The following SELENOI variants were observed in gnomAD, a reference collection of about 807,000 sequenced individuals.
SELENOI encodes the protein selenoprotein I, also known as ethanolaminephosphotransferase 1.
A neutral mutation model predicts 50.7 loss-of-function variants in SELENOI; 24 were observed. The observed-to-expected ratio is 0.47, with a 90% CI of 0.34 to 0.67. The LOEUF is 0.67. Among genes scored for constraint, SELENOI ranks in the 30% least tolerant of loss-of-function variants. The pLI is 0.01. For missense variants in SELENOI, 352 were observed against 461.4 expected, an observed-to-expected ratio of 0.76 and a Z score of 2.17; for synonymous variants, 155 against 170.2, an observed-to-expected ratio of 0.91 and a Z score of 0.70.
At chr2:26,386,238 G>T in intron 8 of SELENOI, 116 bp from the exon 9 acceptor site, 1 of 1,022,142 alleles carries the variant, frequency 9.8e-7, no homozygotes, top group East Asian at 2.4e-5. Flanking sequence ...GATAATGTAA[G>T]TGTGTTGGTT....
chr2:26,370,971 C>T lies in SELENOI; in HGVS notation c.311-2396C>T, dbSNP rs1360033000. On this transcript the variant is annotated intron_variant, in intron 4 of 9. Coordinates refer to ENST00000260585, the MANE Select transcript of SELENOI (RefSeq NM_033505.4). ...CTCCCGGATGGGGCGGCTGGCCGGG[C>T]GGGGGGCTGACCCCCCCACCTCCCT... is the stretch of plus-strand genomic sequence containing the variant. Among the ~76,000 whole-genome samples the T allele has an allele frequency of 4.7e-3, 637 of 136,416 alleles. 8 individuals are homozygous for T. Among genetic ancestry groups the T allele is most frequent in the African/African-American group, 0.016 (591 of 36,690 alleles). 89.5% of individuals were successfully genotyped at this position (136,416 alleles called of 152,430 possible). A position where few individuals can be genotyped will look rare whatever the true frequency, so the allele number is the denominator to read the frequency against.
At chr2:26,387,157 G>A (rs907288623) in intron 9 of SELENOI, among the ~76,000 whole-genome samples, 24 of 152,132 alleles carry the variant, frequency 1.6e-4, no homozygotes, top group Non-Finnish European at 2.1e-4. Flanking sequence ...TTTGAGAAAT[G>A]TTTTGTAAAC....
rs79102333 is a variant in SELENOI, at chr2:26,380,787, G to A, written c.683-2512G>A. Among the ~76,000 whole-genome samples, 1,470 of 152,258 alleles carry A rather than the reference G, an allele frequency of 9.7e-3. 29 individuals are homozygous for A. Among genetic ancestry groups the A allele is most frequent in the African/African-American group, 0.033 (1,388 of 41,532 alleles). On this transcript the variant is annotated intron_variant, in intron 6 of 9. Transcript: ENST00000260585. ...GTTAATTTACAGTTTTACCAACATAGTATATTGTCAAACGTTTGACTTTTT... is the reference window on the plus strand; with the variant it reads ...GTTAATTTACAGTTTTACCAACATAATATATTGTCAAACGTTTGACTTTTT...
intron 6 of SELENOI, among the ~76,000 whole-genome samples, chr2:26,382,790 T>A (rs1252553838): frequency 6.6e-6 from 1 of 151,344 alleles, no homozygotes; most frequent in Non-Finnish European, 1.5e-5. Context: ...CAGTAGTTCG[T>A]GACCAGCCTG....
At chr2:26,379,944 CAG>C (rs1385397060) in intron 6 of SELENOI, among the ~76,000 whole-genome samples, 3 of 152,142 alleles carry the variant, frequency 2.0e-5, no homozygotes, top group African/African-American at 7.2e-5. Flanking sequence ...AATCAGCAAA[CAG>C]AGGAAAACTG....
chr2:26,346,933 C>A (rs549260649), intron 1 of SELENOI: 1 of 152,234 alleles, frequency 6.6e-6, no homozygotes, highest in Non-Finnish European at 1.5e-5. Flanking sequence ...TAACCCCGCT[C>A]AGCCTCTCTT....
At chr2:26,378,280 C>T (rs1162532083) in intron 6 of SELENOI, among the ~76,000 whole-genome samples, 1 of 152,150 alleles carries the variant, frequency 6.6e-6, no homozygotes, top group African/African-American at 2.4e-5. Context: ...CTTCTTCAGC[C>T]CAGTCTGAGT....
At chr2:26,351,055 GTTT>G (rs35623246) in intron 1 of SELENOI, among the ~76,000 whole-genome samples, 1 of 102,898 alleles carries the variant, frequency 9.7e-6, no homozygotes, top group Non-Finnish European at 2.0e-5. Context: ...CTGTTTGTTT[GTTT>G]TTTTTTTTTT....
intron 6 of SELENOI, among the ~76,000 whole-genome samples, chr2:26,380,143 T>A (rs1344870167): frequency 6.6e-6 from 1 of 152,236 alleles, no homozygotes; most frequent in Non-Finnish European, 1.5e-5. Context: ...TCATTTTTCC[T>A]TTATAATTAT....
chr2:26,364,046 A>C (rs1333211029), intron 1 of SELENOI, among the ~76,000 whole-genome samples: 1 of 146,532 alleles, frequency 6.8e-6, no homozygotes, highest in Non-Finnish European at 1.5e-5. Context: ...CCTGGCCTGT[A>C]GTATTTTTGT....
intron 6 of SELENOI, among the ~76,000 whole-genome samples, chr2:26,380,297 T>G (rs1421841204): frequency 6.6e-6 from 1 of 152,182 alleles, no homozygotes; most frequent in Non-Finnish European, 1.5e-5. Flanking sequence ...ATTGTTTCTT[T>G]CTTACTATAA....
At chr2:26,370,713 C>G (rs1385940467) in intron 4 of SELENOI, among the ~76,000 whole-genome samples, 1 of 142,588 alleles carries the variant, frequency 7.0e-6, no homozygotes, top group Non-Finnish European at 1.6e-5. Context: ...CCTCACCTCC[C>G]GGACGGGGCG....
At chr2:26,353,954 C>A (rs145630579) in intron 1 of SELENOI, among the ~76,000 whole-genome samples, 233 of 152,196 alleles carry the variant, frequency 1.5e-3, no homozygotes, top group African/African-American at 5.3e-3. Context: ...GGAACCAAGG[C>A]ACAGAGACTG....
chr2:26,355,768 T>G (rs1677051585), intron 1 of SELENOI, among the ~76,000 whole-genome samples: 1 of 151,728 alleles, frequency 6.6e-6, no homozygotes, highest in African/African-American at 2.4e-5. Context: ...TGAGAGAGTG[T>G]CTCGCTCTGT....
chr2:26,360,362 C>A (rs924828861), intron 1 of SELENOI, among the ~76,000 whole-genome samples: 2 of 152,194 alleles, frequency 1.3e-5, no homozygotes, highest in African/African-American at 4.8e-5. Context: ...TATTGAATGT[C>A]AAATAATTGA....
intron 3 of SELENOI, among the ~76,000 whole-genome samples, chr2:26,366,699 G>A (rs914208445): frequency 6.6e-6 from 1 of 152,122 alleles, no homozygotes; most frequent in Non-Finnish European, 1.5e-5. Flanking sequence ...ATTCAGTTGA[G>A]GTGATCTATC....
intron 1 of SELENOI, among the ~76,000 whole-genome samples, chr2:26,349,689 T>TTTTTTTTTTTTTTTTTTTTTTTTTG (rs1676911466): frequency 6.7e-6 from 1 of 150,184 alleles, no homozygotes; most frequent in Non-Finnish European, 1.5e-5. Flanking sequence ...TTTTTTTTTT[T>TTTTTTTTTTTTTTTTTTTTTTTTTG]GTCCTGGTTT....
chr2:26,346,409 G>C lies in SELENOI; in HGVS notation c.57+120G>C, dbSNP rs571890092. 2.0e-5 allele frequency: 26 copies of C among 1,269,358 alleles called. No homozygotes were observed. The South Asian group carries it at 4.2e-4, about 21-fold the overall frequency. 78.6% of individuals were successfully genotyped at this position (1,269,358 alleles called of 1,614,324 possible). On this transcript the variant is annotated intron_variant, in intron 1 of 9. Transcript: ENST00000260585. ...CGTGGCTCCGGGCGGGCTGGCGGGC[G>C]TTCCTCCGGAGGTCCTGCGGGTCCT... is the stretch of plus-strand genomic sequence containing the variant.
At chr2:26,375,268 C>T (rs549385934) in intron 6 of SELENOI, 120 bp downstream of exon 6, 3 of 601,192 alleles carry the variant, frequency 5.0e-6, no homozygotes, top group Admixed American at 3.0e-5. Context: ...AGCAGAACAA[C>T]CCTACAACCT....
Sources: allele counts gnomAD v4.1 joint callset (sites outside exome capture counted in the v4.1 genomes callset), GRCh38; gene constraint gnomAD v4.1.1; transcripts MANE v1.5; gene names NCBI Gene and HGNC (gene_info 2026-07-23, HGNC 2026-07-21).